CXXC5: variants seen among roughly 807,000 people sequenced by gnomAD.
CXXC5 encodes CXXC-type zinc finger protein 5.
Under a neutral mutation model 17.6 loss-of-function variants are expected in CXXC5, and 2 were observed. That is an observed-to-expected ratio of 0.11 (90% confidence interval 0.05 to 0.36). The LOEUF (loss-of-function observed/expected upper bound fraction) is 0.36, where lower values mean the gene tolerates loss of function less well. CXXC5 is among the 10% of genes least tolerant of loss of function. The pLI is 1.00. For missense variants in CXXC5, 343 were observed against 458.3 expected (o/e 0.75, Z 2.30); for synonymous variants, 171 against 193.0 (o/e 0.89, Z 0.94).
At chr5:139,654,208 G>A (rs1398721109) in intron 1 of CXXC5, among the ~76,000 whole-genome samples, 7 of 152,146 alleles carry the variant, frequency 4.6e-5, no homozygotes, top group African/African-American at 1.7e-4. Context: ...TTTTCTGGGT[G>A]TCCCTTGTCA....
intron 1 of CXXC5, among the ~76,000 whole-genome samples, chr5:139,653,205 G>A (rs1174267787): frequency 5.3e-5 from 8 of 152,208 alleles, no homozygotes; most frequent in Non-Finnish European, 4.4e-5. Context: ...AGCCGCAGAG[G>A]GAGACAGGCT....
At chr5:139,673,470 C>T (rs553404204) in intron 1 of CXXC5, among the ~76,000 whole-genome samples, 2 of 152,286 alleles carry the variant, frequency 1.3e-5, no homozygotes, top group Admixed American at 6.5e-5. Context: ...GAGCTTACTC[C>T]CTGCCCGGGG....
Position 139,658,015 on chromosome 5 carries a change from T to TC in CXXC5, c.-161+9174dup, listed in dbSNP as rs1755582847. Among the ~76,000 whole-genome samples, 1 of 152,120 alleles carries TC rather than the reference T, an allele frequency of 6.6e-6. No individual in the cohort carries two copies. Among genetic ancestry groups the TC allele is most frequent in the African/African-American group, 2.4e-5 (1 of 41,412 alleles). ...GTGTGTGCCAGGAGGAGGTGGCCTG[T>TC]CCCCTAGGACTAGACCAGCTTCTCT... On this transcript the variant is annotated intron_variant, in intron 1 of 2. Transcript: ENST00000302517. The surrounding 1 kb of genome is among the most constrained non-coding windows in gnomAD (Gnocchi z 4.1).
At position 139,673,332 on chromosome 5, in the gene CXXC5, G is replaced by C. The variant is rs1026100851; in HGVS notation, c.-160-7032G>C. Among the ~76,000 whole-genome samples the C allele has an allele frequency of 6.6e-5, 10 of 152,130 alleles. No homozygotes were observed. In the South Asian group the frequency reaches 1.0e-3, roughly 16 times the overall value. ...GTTTTTTCCCAAGGTCAAAAAATGG[G>C]GAAGGGTCTTCCTGAACCTTTGACT... is the stretch of plus-strand genomic sequence containing the variant. On this transcript the variant is annotated intron_variant, in intron 1 of 2. Coordinates refer to ENST00000302517, the MANE Select transcript of CXXC5 (RefSeq NM_016463.9).
At chr5:139,659,452 C>G (rs921261254) in intron 1 of CXXC5, 1 of 152,326 alleles carries the variant, frequency 6.6e-6, no homozygotes, top group South Asian at 2.1e-4. Context: ...GGGTGTGCCC[C>G]GCACACTGCA....
Position 139,683,158 on chromosome 5 carries a change from A to AG in CXXC5, c.*252dup, listed in dbSNP as rs2126837221. 2.8e-6 allele frequency: 1 copy of AG among 362,690 alleles called. No homozygotes were observed. The highest frequency in any genetic ancestry group is 1.1e-4 in the South Asian group (1 of 8,842). The allele number at this position is 362,690 out of a possible 1,614,324, so 22.5% of individuals were successfully genotyped here. A position where few individuals can be genotyped will look rare whatever the true frequency, so the allele number is the denominator to read the frequency against. The stretch of plus-strand genomic sequence containing the variant: ...AAGAACAACAACAAAAAAGAGGTAA[A>AG]GACGAATCTATAAAGTACCGAGACT... On this transcript the variant is annotated 3_prime_UTR_variant, in exon 3 of 3. Transcript: ENST00000302517.
chr5:139,670,664 C>T lies in CXXC5; in HGVS notation c.-160-9700C>T, dbSNP rs1218219797. On this transcript the variant is annotated intron_variant, in intron 1 of 2. Coordinates refer to ENST00000302517, the MANE Select transcript of CXXC5 (RefSeq NM_016463.9). This position sits in a 1 kb window ranked among gnomAD's most constrained non-coding sequence, Gnocchi z 4.2. ...ACAAACATCCTCTCACCACGTAAACCACCCTATTCGCACACACGTGCACTT... is the reference window on the plus strand; with the variant it reads ...ACAAACATCCTCTCACCACGTAAACTACCCTATTCGCACACACGTGCACTT... Among the ~76,000 whole-genome samples, 1 of 152,222 alleles carries T rather than the reference C, an allele frequency of 6.6e-6. No homozygotes were observed. The highest frequency in any genetic ancestry group is 1.5e-5 in the Non-Finnish European group (1 of 68,040).
At chr5:139,655,244 T>C (rs1361338458) in intron 1 of CXXC5, among the ~76,000 whole-genome samples, 1 of 152,112 alleles carries the variant, frequency 6.6e-6, no homozygotes, top group Non-Finnish European at 1.5e-5. Flanking sequence ...AGACTGGCTG[T>C]GATGGAGGTG....
At chr5:139,672,179 G>A (rs370468083) in intron 1 of CXXC5, among the ~76,000 whole-genome samples, 69 of 152,252 alleles carry the variant, frequency 4.5e-4, no homozygotes, top group South Asian at 8.3e-4. Context: ...GTGCAATGGC[G>A]TGATCTTGGC....
chr5:139,680,582 ATGGCAGCGGTGGCAG>A lies in CXXC5; in HGVS notation c.67_81del (p.Gly23_Ser27del), dbSNP rs1561549559. ...GGCGGCAGTAGCAGCAGCAGCACCAATGGCAGCGGTGGCAGTGGCAGCAGTGGCCCAAAGGCAGGA... is the reference window on the plus strand; with the variant it reads ...GGCGGCAGTAGCAGCAGCAGCACCAATGGCAGCAGTGGCCCAAAGGCAGGA... On this transcript the variant is annotated inframe_deletion, in exon 2 of 3. Transcript: ENST00000302517. 3.1e-6 allele frequency: 5 copies of A among 1,601,832 alleles called. No individual in the cohort carries two copies. Among genetic ancestry groups the A allele is most frequent in the Non-Finnish European group, 4.3e-6 (5 of 1,175,248 alleles).
intron 1 of CXXC5, among the ~76,000 whole-genome samples, chr5:139,662,719 C>G (rs1755890575): frequency 4.6e-5 from 7 of 152,204 alleles, no homozygotes; most frequent in Admixed American, 4.6e-4. Flanking sequence ...CAGCAGTGGC[C>G]AGTCAGGAAA....
Position 139,683,208 on chromosome 5 carries a change from G to C in CXXC5, c.*301G>C. ...TTCCTGGGCAAAGAATGGACAATCAGTTTCCTTCCTGTGTCGATGTCGATG... is the reference window on the plus strand; with the variant it reads ...TTCCTGGGCAAAGAATGGACAATCACTTTCCTTCCTGTGTCGATGTCGATG... On this transcript the variant is annotated 3_prime_UTR_variant, in exon 3 of 3. Coordinates refer to ENST00000302517, the MANE Select transcript of CXXC5 (RefSeq NM_016463.9). 3.5e-6 allele frequency: 1 copy of C among 284,440 alleles called. No individual in the cohort carries two copies. Among genetic ancestry groups the C allele is most frequent in the Non-Finnish European group, 6.4e-6 (1 of 155,468 alleles). The allele number at this position is 284,440 out of a possible 1,614,324, so 17.6% of individuals were successfully genotyped here.
At chr5:139,665,146 G>A (rs1756031916) in intron 1 of CXXC5, among the ~76,000 whole-genome samples, 1 of 152,256 alleles carries the variant, frequency 6.6e-6, no homozygotes, top group Non-Finnish European at 1.5e-5. Flanking sequence ...TGCTGGGCGG[G>A]CAGGGGGGAG....
Position 139,663,161 on chromosome 5 carries a change from A to G in CXXC5, c.-161+14316A>G, listed in dbSNP as rs1053675240. Among the ~76,000 whole-genome samples, 7 of 152,098 alleles carry G rather than the reference A, an allele frequency of 4.6e-5. No individual in the cohort carries two copies. Among genetic ancestry groups the G allele is most frequent in the African/African-American group, 1.7e-4 (7 of 41,398 alleles). ...ATGGGAATGGGTTGGACCCAGGGCA[A>G]AGGAACCCATGGGTGTTGGGTGGAA... On this transcript the variant is annotated intron_variant, in intron 1 of 2. Coordinates refer to ENST00000302517, the MANE Select transcript of CXXC5 (RefSeq NM_016463.9). The surrounding 1 kb of genome is among the most constrained non-coding windows in gnomAD (Gnocchi z 4.2).
In CXXC5 at chr5:139,648,707, G is replaced by C. The variant is rs1265670063; in HGVS notation, c.-299G>C. On this transcript the variant is annotated 5_prime_UTR_variant, in exon 1 of 3. Transcript: ENST00000302517. ...CCGCGGCGGCGCGACTCGGGCTCCG[G>C]ACCCGGGCACTGCTGGCGGCTGGAG... The C allele has an allele frequency of 6.6e-6, 1 of 151,772 alleles. No homozygotes were observed. The highest frequency in any genetic ancestry group is 1.5e-5 in the Non-Finnish European group (1 of 67,882). The allele number at this position is 151,772 out of a possible 1,614,324, so 9.4% of individuals were successfully genotyped here. A position where few individuals can be genotyped will look rare whatever the true frequency, so the allele number is the denominator to read the frequency against.
At chr5:139,682,811 A>G in intron 2 of CXXC5, 52 bp from the exon 3 acceptor site, 2 of 1,546,000 alleles carry the variant, frequency 1.3e-6, no homozygotes, top group South Asian at 1.2e-5. Context: ...CTCCAGGCCT[A>G]CCCGGACCCT....
intron 1 of CXXC5, 89 bp from the exon 2 acceptor site, chr5:139,680,275 G>A (rs1175232613): frequency 5.3e-6 from 3 of 571,222 alleles, no homozygotes; most frequent in Non-Finnish European, 9.3e-6. Flanking sequence ...TGGTGGTCAG[G>A]ATGACAGGAC....
chr5:139,671,835 TC>T (rs1756490198), intron 1 of CXXC5, among the ~76,000 whole-genome samples: 1 of 152,208 alleles, frequency 6.6e-6, no homozygotes, highest in Admixed American at 6.5e-5. Flanking sequence ...CTTCCTTCCC[TC>T]CATGTGCTGT....
chr5:139,654,077 C>G (rs536375424), intron 1 of CXXC5, among the ~76,000 whole-genome samples: 5 of 152,276 alleles, frequency 3.3e-5, no homozygotes, highest in African/African-American at 7.2e-5. Context: ...GCAGATCACT[C>G]TAGCCAGGAC....
Sources: allele counts gnomAD v4.1 joint callset (sites outside exome capture counted in the v4.1 genomes callset), GRCh38; gene constraint gnomAD v4.1.1; non-coding constraint Gnocchi (gnomAD v3.1); transcripts MANE v1.5; gene names NCBI Gene and HGNC (gene_info 2026-07-23, HGNC 2026-07-21).